Variants in CYB561 observed in about 807,000 individuals in gnomAD.
CYB561 encodes the protein cytochrome b561.
Under a neutral mutation model 25.3 loss-of-function variants are expected in CYB561, and 11 were observed. The ratio of observed to expected loss-of-function variants is 0.44; its 90% confidence interval spans 0.27 to 0.72. CYB561 has a LOEUF of 0.72. Ranked by LOEUF, CYB561 falls within the 30% of genes least tolerant of loss-of-function variation. The pLI is 0.18. For synonymous variants in CYB561, 165 were observed against 158.8 expected (o/e 1.04, Z -0.29); for missense variants, 295 against 334.9 (o/e 0.88, Z 0.93).
intron 1 of CYB561, chr17:63,438,209 G>C (rs867429901): frequency 1.3e-6 from 2 of 1,535,600 alleles, no homozygotes; most frequent in Non-Finnish European, 1.7e-6. Context: ...CCCAGTGCCC[G>C]GCTTTGTTTT....
In CYB561 at chr17:63,446,270, C is replaced by T. The variant is rs902706324; in HGVS notation, c.-39G>A. 2 of 151,938 alleles carry T rather than the reference C, an allele frequency of 1.3e-5. No homozygotes were observed. The highest frequency in any genetic ancestry group is 4.8e-5 in the African/African-American group (2 of 41,404). The allele number at this position is 151,938 out of a possible 1,614,324, so 9.4% of individuals were successfully genotyped here. On this transcript the variant is annotated 5_prime_UTR_variant, in exon 1 of 6. Transcript: ENST00000360793. ...CTTGCCTACCCGAGCGTCCCTTCAG[C>T]CTCCCCGCGCCGCGCCCGGGTCGCT...
intron 4 of CYB561, 93 bp downstream of exon 4, chr17:63,435,595 G>T: frequency 9.8e-7 from 1 of 1,018,910 alleles, no homozygotes; most frequent in Non-Finnish European, 1.5e-6. Flanking sequence ...CCAGAAATCA[G>T]GCCCTTCCAT....
rs755532365 is a variant in CYB561 at position 63,437,570 on chromosome 17, A to G, written c.-13-10T>C. On this transcript the variant is annotated splice_polypyrimidine_tract_variant and intron_variant, in intron 1 of 5. Coordinates refer to ENST00000360793, the MANE Select transcript of CYB561 (RefSeq NM_001915.4). ...CATGCTGAGGCAAACGCTGCAAGAAAGAGCAGAGCTCAGAGGAGCAGCGCA... is the reference window on the plus strand; with the variant it reads ...CATGCTGAGGCAAACGCTGCAAGAAGGAGCAGAGCTCAGAGGAGCAGCGCA... 5.6e-6 allele frequency: 9 copies of G among 1,599,620 alleles called. No homozygotes were observed. The Admixed American group carries it at 6.7e-5, about 12-fold the overall frequency.
Position 63,434,062 on chromosome 17 carries a change from C to T in CYB561, c.*340G>A. ...CAGTTTCCCCTGGCCTTGCCCCAGG[C>T]ATCTGCTGCCAGGAGGGTGGGGCCT... On this transcript the variant is annotated 3_prime_UTR_variant, in exon 6 of 6. Coordinates refer to ENST00000360793, the MANE Select transcript of CYB561 (RefSeq NM_001915.4). 1 of 274,940 alleles carries T rather than the reference C, an allele frequency of 3.6e-6. No individual in the cohort carries two copies. The highest frequency in any genetic ancestry group is 6.4e-5 in the East Asian group (1 of 15,578). 17.0% of individuals were successfully genotyped at this position (274,940 alleles called of 1,614,324 possible). A position where few individuals can be genotyped will look rare whatever the true frequency, so the allele number is the denominator to read the frequency against.
At position 63,435,070 on chromosome 17, in the gene CYB561, C is replaced by T; in HGVS notation, c.563+16G>A. 6.2e-7 allele frequency: 1 copy of T among 1,609,352 alleles called. No homozygotes were observed. Among genetic ancestry groups the T allele is most frequent in the South Asian group, 1.1e-5 (1 of 90,322 alleles). ...GGGTGGCCCAGGCCCTGCCCTCTCC[C>T]ACCCAGGACACTCACCCGAGGTTGA... is the stretch of plus-strand genomic sequence containing the variant. On this transcript the variant is annotated intron_variant, in intron 5 of 5. Coordinates refer to ENST00000360793, the MANE Select transcript of CYB561 (RefSeq NM_001915.4).
chr17:63,435,103 T>C lies in CYB561; in HGVS notation c.546A>G (p.Ala182=). ...ACACTCACCCGAGGTTGAACAGCAG[T>C]GCCTCCTTCAGGCCCAGCAGGGCGG... ...VGTALLGLKE[A]LLFNLGGKYS... Residue 182 remains alanine (A), a synonymous_variant, in exon 5 of 6, where the codon GCA becomes GCG. Coordinates refer to ENST00000360793, the MANE Select transcript of CYB561 (RefSeq NM_001915.4). The C allele has an allele frequency of 6.2e-7, 1 of 1,613,688 alleles. No homozygotes were observed. Among genetic ancestry groups the C allele is most frequent in the South Asian group, 1.1e-5 (1 of 91,060 alleles).
intron 1 of CYB561, among the ~76,000 whole-genome samples, chr17:63,439,532 C>CA (rs1025341223): frequency 1.4e-5 from 2 of 147,688 alleles, no homozygotes; most frequent in East Asian, 2.0e-4. Flanking sequence ...GACTCTGTCT[C>CA]AAAAAAAATT....
At position 63,433,536 on chromosome 17, in the gene CYB561, T is replaced by C. The variant is rs1271259773; in HGVS notation, c.*866A>G. 3 of 393,320 alleles carry C rather than the reference T, an allele frequency of 7.6e-6. No individual in the cohort carries two copies. Among genetic ancestry groups the C allele is most frequent in the Admixed American group, 4.4e-5 (1 of 22,540 alleles). 24.4% of individuals were successfully genotyped at this position (393,320 alleles called of 1,614,324 possible). Reference sequence around the variant, plus strand: ...CAGCGGTTTTTCATTTAAAAAATTATAAGGTTTGTGCCCTCTGCCTCCCAG... The same window carrying C: ...CAGCGGTTTTTCATTTAAAAAATTACAAGGTTTGTGCCCTCTGCCTCCCAG... On this transcript the variant is annotated 3_prime_UTR_variant, in exon 6 of 6. Transcript: ENST00000360793.
Position 63,438,370 on chromosome 17 carries a change from CCCCCATCCT to C in CYB561, c.-13-819_-13-811del, listed in dbSNP as rs1242458357. 6.2e-6 allele frequency: 4 copies of C among 648,582 alleles called. No individual in the cohort carries two copies. The African/African-American group carries it at 7.4e-5, about 12-fold the overall frequency. 40.2% of individuals were successfully genotyped at this position (648,582 alleles called of 1,614,324 possible). ...CTCGGGAGAAATGGGAAGTCTCCCT[CCCCCATCCT>C]GGTTTTTAACTCCATGCTGGCGATG... On this transcript the variant is annotated intron_variant, in intron 1 of 5. Transcript: ENST00000360793.
rs1313426825 is a variant in CYB561 at position 63,436,886 on chromosome 17, A to AGGTGGAGGCC, written c.202+450_202+459dup. Among the ~76,000 whole-genome samples, 1 of 152,190 alleles carries AGGTGGAGGCC rather than the reference A, an allele frequency of 6.6e-6. No homozygotes were observed. The highest frequency in any genetic ancestry group is 2.4e-5 in the African/African-American group (1 of 41,436). ...CTTCCTGGATCCCTGGCCTGGAGGC[A>AGGTGGAGGCC]GGTGGAGGCCAAGCACTGCCTTGCT... On this transcript the variant is annotated intron_variant, in intron 2 of 5. Coordinates refer to ENST00000360793, the MANE Select transcript of CYB561 (RefSeq NM_001915.4). The surrounding 1 kb of genome is among the most constrained non-coding windows in gnomAD (Gnocchi z 4.8).
chr17:63,438,925 G>A (rs1568024619), intron 1 of CYB561, among the ~76,000 whole-genome samples: 1 of 152,188 alleles, frequency 6.6e-6, no homozygotes, highest in Non-Finnish European at 1.5e-5. Flanking sequence ...TGCTGCCATG[G>A]CCCACAGTTG....
chr17:63,438,215 G>A, intron 1 of CYB561: 1 of 1,535,502 alleles, frequency 6.5e-7, no homozygotes, highest in Non-Finnish European at 8.7e-7. Context: ...GCCCGGCTTT[G>A]TTTTCTGTTT....
rs1035453498 is a variant in CYB561 at position 63,436,924 on chromosome 17, G to A, written c.202+422C>T. Among the ~76,000 whole-genome samples, 2 of 152,230 alleles carry A rather than the reference G, an allele frequency of 1.3e-5. No individual in the cohort carries two copies. Among genetic ancestry groups the A allele is most frequent in the African/African-American group, 4.8e-5 (2 of 41,464 alleles). ...GCACTGCCTTGCTCCTGCCCCAGGG[G>A]GAGGCGCTCTAGCTCTGCCAAGTCC... On this transcript the variant is annotated intron_variant, in intron 2 of 5. Transcript: ENST00000360793. This position sits in a 1 kb window ranked among gnomAD's most constrained non-coding sequence, Gnocchi z 4.8.
At chr17:63,438,220 CT>C (rs1568024309) in intron 1 of CYB561, 26 of 1,535,546 alleles carry the variant, frequency 1.7e-5, no homozygotes, top group Non-Finnish European at 2.2e-5. Context: ...GCTTTGTTTT[CT>C]GTTTCATGAG....
At chr17:63,441,138 C>G (rs1219926806) in intron 1 of CYB561, among the ~76,000 whole-genome samples, 2 of 152,242 alleles carry the variant, frequency 1.3e-5, no homozygotes, top group Non-Finnish European at 2.9e-5. Flanking sequence ...CGACGACTGC[C>G]TGCGGCTTCA....
At chr17:63,442,430 C>T (rs1333195655) in intron 1 of CYB561, among the ~76,000 whole-genome samples, 1 of 152,164 alleles carries the variant, frequency 6.6e-6, no homozygotes, top group Non-Finnish European at 1.5e-5. Flanking sequence ...GGAAGCAAGG[C>T]TTTGAATCGT....
At position 63,432,654 on chromosome 17, in the gene CYB561, T is replaced by C. The variant is rs2049238556; in HGVS notation, c.*1748A>G. The C allele has an allele frequency of 6.6e-6, 1 of 152,230 alleles. No homozygotes were observed. Among genetic ancestry groups the C allele is most frequent in the Non-Finnish European group, 1.5e-5 (1 of 68,090 alleles). The allele number at this position is 152,230 out of a possible 1,614,324, so 9.4% of individuals were successfully genotyped here. A position where few individuals can be genotyped will look rare whatever the true frequency, so the allele number is the denominator to read the frequency against. ...CCCTACCCCTGAAGAGTGTACAGTC[T>C]AAACAGGAGGCGAACACTGTCATCC... is the stretch of plus-strand genomic sequence containing the variant. On this transcript the variant is annotated 3_prime_UTR_variant, in exon 6 of 6. Transcript: ENST00000360793.
intron 1 of CYB561, chr17:63,442,898 T>C (rs1471507012): frequency 1.3e-5 from 2 of 152,242 alleles, no homozygotes; most frequent in Non-Finnish European, 2.9e-5. Context: ...CAACCAAGAC[T>C]AATCTCATTA....
At chr17:63,438,204 T>C (rs2049335545) in intron 1 of CYB561, 2 of 1,535,340 alleles carry the variant, frequency 1.3e-6, no homozygotes, top group Non-Finnish European at 1.7e-6. Flanking sequence ...AAGGGCCCAG[T>C]GCCCGGCTTT....
Sources: allele counts gnomAD v4.1 joint callset (sites outside exome capture counted in the v4.1 genomes callset), GRCh38; gene constraint gnomAD v4.1.1; non-coding constraint Gnocchi (gnomAD v3.1); transcripts MANE v1.5; gene names NCBI Gene and HGNC (gene_info 2026-07-23, HGNC 2026-07-21).